Variants in TNR observed in about 807,000 individuals in gnomAD.
TNR encodes the protein tenascin-R.
A neutral mutation model predicts 150.4 loss-of-function variants in TNR; 45 were observed. The observed-to-expected ratio is 0.30, with a 90% CI of 0.24 to 0.38. TNR has a LOEUF of 0.38. Among genes scored for constraint, TNR ranks in the 10% least tolerant of loss-of-function variants. TNR has a pLI of 1.00. For missense variants in TNR, 1,544 were observed against 1,759.1 expected, an observed-to-expected ratio of 0.88 and a Z score of 2.19; for synonymous variants, 687 against 678.4, an observed-to-expected ratio of 1.01 and a Z score of -0.20.
intron 1 of TNR, among the ~76,000 whole-genome samples, chr1:175,581,999 C>A (rs1662367985): frequency 6.6e-6 from 1 of 152,154 alleles, no homozygotes; most frequent in Admixed American, 6.5e-5. Flanking sequence ...ATCTAGGATT[C>A]ATCAAAAGGA....
chr1:175,398,965 C>A (rs1653568521), intron 4 of TNR, among the ~76,000 whole-genome samples: 1 of 152,196 alleles, frequency 6.6e-6, no homozygotes, highest in Admixed American at 6.5e-5. Flanking sequence ...CAGAGTGGGT[C>A]ATAGCAGAAC....
chr1:175,565,328 G>T (rs1661598169), intron 1 of TNR, among the ~76,000 whole-genome samples: 2 of 152,164 alleles, frequency 1.3e-5, no homozygotes, highest in Admixed American at 6.5e-5. Flanking sequence ...GAACAGAAAT[G>T]GTGAATCTAC....
chr1:175,668,537 G>A (rs911978205), intron 1 of TNR, among the ~76,000 whole-genome samples: 1 of 152,140 alleles, frequency 6.6e-6, no homozygotes, highest in African/African-American at 2.4e-5. Context: ...GAGGTAGAAC[G>A]ATGCAAGTGC....
At chr1:175,724,667 G>A (rs1015006888) in intron 1 of TNR, among the ~76,000 whole-genome samples, 1 of 152,134 alleles carries the variant, frequency 6.6e-6, no homozygotes, top group African/African-American at 2.4e-5. Context: ...TATGTTTTAT[G>A]TACACTTTTA....
intron 18 of TNR, among the ~76,000 whole-genome samples, chr1:175,348,825 C>T (rs1323334698): frequency 6.6e-6 from 1 of 152,054 alleles, no homozygotes; most frequent in Non-Finnish European, 1.5e-5. Flanking sequence ...TTGAAGAAAA[C>T]CTTTTGGCTG....
intron 15 of TNR, among the ~76,000 whole-genome samples, chr1:175,359,296 C>A (rs1450240437): frequency 6.6e-6 from 1 of 151,704 alleles, no homozygotes; most frequent in African/African-American, 2.4e-5. Flanking sequence ...CAGGTTTGCA[C>A]CACCACTTCC....
At chr1:175,552,191 A>G (rs1488006137) in intron 1 of TNR, among the ~76,000 whole-genome samples, 3 of 152,198 alleles carry the variant, frequency 2.0e-5, no homozygotes, top group African/African-American at 2.4e-5. Flanking sequence ...ATAGAAAACT[A>G]TCTAATTTAC....
intron 7 of TNR, among the ~76,000 whole-genome samples, chr1:175,389,206 C>T (rs1309865608): frequency 6.6e-6 from 1 of 152,156 alleles, no homozygotes; most frequent in African/African-American, 2.4e-5. Context: ...CAGAAACAGC[C>T]CCGGAAGCAA....
intron 1 of TNR, among the ~76,000 whole-genome samples, chr1:175,565,814 A>G (rs1661619092): frequency 6.6e-6 from 1 of 152,236 alleles, no homozygotes; most frequent in Admixed American, 6.5e-5. Context: ...ATGGTGTATC[A>G]TACAATGAAA....
intron 1 of TNR, among the ~76,000 whole-genome samples, chr1:175,531,197 C>T (rs1445519641): frequency 1.3e-5 from 2 of 152,154 alleles, no homozygotes; most frequent in Non-Finnish European, 2.9e-5. Context: ...GTGTGTGTGC[C>T]AATCTTCCTG....
At chr1:175,445,752 C>T (rs1184534912) in intron 2 of TNR, among the ~76,000 whole-genome samples, 4 of 152,148 alleles carry the variant, frequency 2.6e-5, no homozygotes, top group Non-Finnish European at 5.9e-5. Flanking sequence ...TCCATAGTTC[C>T]CAGAACTGAT....
intron 15 of TNR, among the ~76,000 whole-genome samples, chr1:175,356,701 C>T (rs546515603): frequency 2.0e-5 from 3 of 152,208 alleles, no homozygotes; most frequent in African/African-American, 4.8e-5. Context: ...AACTTCTATT[C>T]GTGTCTCTGG....
chr1:175,405,645 G>A (rs1653915114), intron 3 of TNR, among the ~76,000 whole-genome samples: 1 of 132,786 alleles, frequency 7.5e-6, no homozygotes, highest in Admixed American at 7.8e-5. Flanking sequence ...GTGTGTGTGT[G>A]TGTGCATACG....
intron 4 of TNR, 104 bp from the exon 5 acceptor site, chr1:175,396,911 T>G: frequency 2.8e-6 from 4 of 1,441,586 alleles, no homozygotes; most frequent in Non-Finnish European, 2.8e-6. Context: ...CATGTCTATA[T>G]GTCCTGCTGG....
At chr1:175,454,281 A>G (rs142013614) in intron 2 of TNR, among the ~76,000 whole-genome samples, 1 of 152,340 alleles carries the variant, frequency 6.6e-6, no homozygotes, top group African/African-American at 2.4e-5. Flanking sequence ...GAGAATGTTC[A>G]GGAGCTGCTG....
intron 2 of TNR, among the ~76,000 whole-genome samples, chr1:175,488,754 C>T (rs1658118078): frequency 6.6e-6 from 1 of 152,174 alleles, no homozygotes; most frequent in Non-Finnish European, 1.5e-5. Context: ...AATCCCCCTG[C>T]CACTGTGAAA....
At chr1:175,399,596 A>C (rs994202400) in intron 4 of TNR, among the ~76,000 whole-genome samples, 8 of 152,238 alleles carry the variant, frequency 5.3e-5, no homozygotes. Context: ...AACTATGTAC[A>C]CTAGGCATCA....
At chr1:175,739,655 T>G (rs962797893) in intron 1 of TNR, among the ~76,000 whole-genome samples, 1 of 152,196 alleles carries the variant, frequency 6.6e-6, no homozygotes, top group East Asian at 1.9e-4. Flanking sequence ...CATCCCTGCA[T>G]AGAGCTATGT....
chr1:175,553,848 A>AC (rs56255899), intron 1 of TNR, among the ~76,000 whole-genome samples: 3 of 151,678 alleles, frequency 2.0e-5, no homozygotes, highest in Non-Finnish European at 2.9e-5. Context: ...ACACACACAC[A>AC]AACAATAATT....
Sources: allele counts gnomAD v4.1 joint callset (sites outside exome capture counted in the v4.1 genomes callset), GRCh38; gene constraint gnomAD v4.1.1; transcripts MANE v1.5; gene names NCBI Gene and HGNC (gene_info 2026-07-23, HGNC 2026-07-21).